USH2A: variants seen among roughly 807,000 people sequenced by gnomAD.
USH2A encodes Usher syndrome 2A (autosomal recessive, mild).
A neutral mutation model predicts 538.9 loss-of-function variants in USH2A; 443 were observed. The observed-to-expected ratio is 0.82, with a 90% CI of 0.76 to 0.89. The LOEUF is 0.89. Among genes scored for constraint, USH2A ranks in the 40% least tolerant of loss-of-function variants. The probability of loss-of-function intolerance (pLI) is 0.00; values close to 1 mark genes in which losing one functional copy is unlikely to be tolerated. For synonymous variants in USH2A, 2,413 were observed against 2,273.5 expected (o/e 1.06, Z -1.75); for missense variants, 6,633 against 6,324.8 (o/e 1.05, Z -1.65).
At chr1:216,293,495 C>T (rs1286160758) in intron 9 of USH2A, among the ~76,000 whole-genome samples, 1 of 152,244 alleles carries the variant, frequency 6.6e-6, no homozygotes, top group Non-Finnish European at 1.5e-5. Context: ...TTGTGGCAAG[C>T]ACTTCCCTCA....
chr1:216,418,885 T>G (rs930787469), intron 2 of USH2A, among the ~76,000 whole-genome samples: 1 of 152,134 alleles, frequency 6.6e-6, no homozygotes, highest in African/African-American at 2.4e-5. Flanking sequence ...AATAGAATTC[T>G]TATTTACAAT....
Position 215,634,639 on chromosome 1 carries a change from G to T in USH2A, c.15117C>A (p.Ser5039Arg), listed in dbSNP as rs148499621. 3.7e-6 allele frequency: 6 copies of T among 1,614,202 alleles called. No individual in the cohort carries two copies. The highest frequency in any genetic ancestry group is 5.1e-6 in the Non-Finnish European group (6 of 1,180,042). The change falls in exon 70 of 72, where the codon AGC becomes AGA. Residue 5039 changes from serine (S) to arginine (R), a missense_variant. Coordinates refer to ENST00000307340, the MANE Select transcript of USH2A (RefSeq NM_206933.4). ...GSRSKSTEFY[S>R]ELWFIVLMAM... ...CCATTAACACTATGAACCACAGCTCGCTGTAGAACTCTGTGCTTTTGCTCC... is the reference window on the plus strand; with the variant it reads ...CCATTAACACTATGAACCACAGCTCTCTGTAGAACTCTGTGCTTTTGCTCC...
chr1:215,955,030 A>T (rs1339874642), intron 37 of USH2A, among the ~76,000 whole-genome samples: 1 of 152,160 alleles, frequency 6.6e-6, no homozygotes, highest in Non-Finnish European at 1.5e-5. Context: ...AGCTCAAAGA[A>T]ACTTTCTTGA....
chr1:216,186,562 T>A (rs2034608609), intron 20 of USH2A, among the ~76,000 whole-genome samples: 1 of 151,950 alleles, frequency 6.6e-6, no homozygotes, highest in African/African-American at 2.4e-5. Flanking sequence ...TTCTTTGGGC[T>A]TCCATTTTGC....
At chr1:215,694,614 T>A (rs1374986146) in intron 61 of USH2A, among the ~76,000 whole-genome samples, 1 of 152,148 alleles carries the variant, frequency 6.6e-6, no homozygotes, top group Non-Finnish European at 1.5e-5. Flanking sequence ...TCAAAATTTC[T>A]TTGTCATAAG....
chr1:216,026,646 C>T (rs953575244), intron 32 of USH2A, among the ~76,000 whole-genome samples: 10 of 152,092 alleles, frequency 6.6e-5, no homozygotes, highest in African/African-American at 2.4e-4. Flanking sequence ...TTATTGTTCT[C>T]CTACTATACA....
intron 32 of USH2A, among the ~76,000 whole-genome samples, chr1:216,015,984 AC>A: frequency 6.6e-6 from 1 of 152,232 alleles, no homozygotes; most frequent in Non-Finnish European, 1.5e-5. Flanking sequence ...AAAATTTGGT[AC>A]ATATACACCA....
chr1:216,013,312 G>A (rs1164465716), intron 32 of USH2A, among the ~76,000 whole-genome samples: 6 of 149,878 alleles, frequency 4.0e-5, no homozygotes, highest in South Asian at 2.1e-4. Flanking sequence ...TCCCACTCTA[G>A]GTTCCCACGC....
chr1:216,190,498 G>GTTTTT, intron 19 of USH2A, 131 bp from the exon 20 acceptor site: 3 of 934,260 alleles, frequency 3.2e-6, no homozygotes, highest in South Asian at 1.6e-5. Context: ...TAGGAAAAGG[G>GTTTTT]TTTTTTTTTT....
At chr1:215,897,821 GAA>G (rs1665391588) in intron 40 of USH2A, among the ~76,000 whole-genome samples, 1 of 152,054 alleles carries the variant, frequency 6.6e-6, no homozygotes, top group Non-Finnish European at 1.5e-5. Flanking sequence ...GAAAGAAAGA[GAA>G]AGAAAATTGC....
chr1:216,293,174 G>A (rs542101503), intron 9 of USH2A, among the ~76,000 whole-genome samples: 32 of 152,012 alleles, frequency 2.1e-4, no homozygotes, highest in South Asian at 1.5e-3. Context: ...ACAGGCGCCC[G>A]CCACCACGCT....
intron 16 of USH2A, among the ~76,000 whole-genome samples, chr1:216,203,606 G>A (rs928667865): frequency 7.2e-5 from 11 of 152,084 alleles, no homozygotes; most frequent in Middle Eastern, 3.4e-3. Context: ...TTCTCATCCT[G>A]TCTCTATATC....
At chr1:215,917,078 A>T (rs937363053) in intron 38 of USH2A, among the ~76,000 whole-genome samples, 1 of 152,150 alleles carries the variant, frequency 6.6e-6, no homozygotes, top group Non-Finnish European at 1.5e-5. Flanking sequence ...TAGAATGTAG[A>T]ACTGTCACTT....
intron 50 of USH2A, among the ~76,000 whole-genome samples, chr1:215,797,785 G>A (rs1245641893): frequency 6.6e-6 from 1 of 152,056 alleles, no homozygotes; most frequent in Non-Finnish European, 1.5e-5. Context: ...AAATAGACAA[G>A]AAAATTAATG....
At chr1:216,022,455 G>A (rs181384803) in intron 32 of USH2A, among the ~76,000 whole-genome samples, 5 of 152,252 alleles carry the variant, frequency 3.3e-5, no homozygotes, top group East Asian at 1.9e-4. Context: ...GAGAGAAATC[G>A]GAGCCAGGTA....
chr1:216,258,020 A>G (rs545189998), intron 11 of USH2A, among the ~76,000 whole-genome samples: 3 of 152,176 alleles, frequency 2.0e-5, no homozygotes, highest in East Asian at 3.9e-4. Flanking sequence ...TTCTGGATCA[A>G]TTTTGATTGA....
chr1:215,919,884 T>C (rs948203123), intron 38 of USH2A, among the ~76,000 whole-genome samples: 1 of 152,052 alleles, frequency 6.6e-6, no homozygotes, highest in Non-Finnish European at 1.5e-5. Context: ...AGTTCTACAA[T>C]AGAACTGTAT....
In USH2A at chr1:215,674,096, C is replaced by T. The variant is rs1488757510; in HGVS notation, c.13811+4G>A. 2.5e-6 allele frequency: 4 copies of T among 1,613,982 alleles called. No homozygotes were observed. The highest frequency in any genetic ancestry group is 2.2e-5 in the South Asian group (2 of 90,978). On this transcript the variant is annotated splice_donor_region_variant and intron_variant, in intron 63 of 71. Coordinates refer to ENST00000307340, the MANE Select transcript of USH2A (RefSeq NM_206933.4). ...TCTCAGAAAACCGAGACATGGCTACCTACCTGTGAAATGGCTTCAGCTGGT... is the reference window on the plus strand; with the variant it reads ...TCTCAGAAAACCGAGACATGGCTACTTACCTGTGAAATGGCTTCAGCTGGT...
intron 68 of USH2A, 105 bp from the exon 69 acceptor site, chr1:215,639,343 C>T: frequency 1.9e-6 from 2 of 1,080,188 alleles, no homozygotes; most frequent in East Asian, 2.4e-5. Context: ...AATAGGATTC[C>T]AAAGCAAGTT....
Sources: gnomAD v4.1 joint callset for allele counts (sites outside exome capture counted in the v4.1 genomes callset) on GRCh38, gnomAD v4.1.1 for gene constraint, MANE v1.5 for transcripts, NCBI Gene and HGNC (gene_info 2026-07-23, HGNC 2026-07-21) for gene names.